Variants in CRTC1 observed in about 807,000 individuals in gnomAD.
CRTC1 encodes CREB regulated transcription coactivator 1.
In CRTC1, 18 loss-of-function variants were observed where a neutral mutation model predicts 66.1. The ratio of observed to expected loss-of-function variants is 0.27; its 90% CI spans 0.19 to 0.40. The LOEUF (loss-of-function observed/expected upper bound fraction) is 0.40. Among genes scored for constraint, CRTC1 ranks in the 10% least tolerant of loss-of-function variants. The pLI is 1.00. For missense variants in CRTC1, 669 were observed against 887.9 expected, an observed-to-expected ratio of 0.75 and a Z score of 3.13; for synonymous variants, 416 against 398.8, an observed-to-expected ratio of 1.04 and a Z score of -0.51.
intron 11 of CRTC1, among the ~76,000 whole-genome samples, chr19:18,773,552 C>A (rs1202112873): frequency 3.3e-5 from 5 of 152,176 alleles, no homozygotes; most frequent in African/African-American, 1.2e-4. Context: ...CCAGGACAGA[C>A]CCAGCTTCAG....
chr19:18,739,371 G>A (rs369725909), intron 1 of CRTC1, among the ~76,000 whole-genome samples: 76 of 152,330 alleles, frequency 5.0e-4, no homozygotes, highest in Middle Eastern at 6.8e-3. Context: ...TGGGCCAGCT[G>A]AGGAAGGGGG....
intron 1 of CRTC1, among the ~76,000 whole-genome samples, chr19:18,715,896 C>T (rs1021940908): frequency 6.6e-6 from 1 of 152,236 alleles, no homozygotes; most frequent in African/African-American, 2.4e-5. Flanking sequence ...CACGCTCCTT[C>T]CTGCCACTGC....
chr19:18,749,986 C>G, intron 5 of CRTC1, 111 bp downstream of exon 5: 2 of 826,462 alleles, frequency 2.4e-6, no homozygotes, highest in Non-Finnish European at 4.1e-6. Flanking sequence ...CAAAGGAAGA[C>G]TCAGACCATG....
chr19:18,748,374 A>ATTT lies in CRTC1; in HGVS notation c.443+1283_443+1285dup, dbSNP rs777077338. ...ATCGTCCCACCTCTGCTTCCAGCTG[A>ATTT]TTTTTTTTTTTTTTTTTTTTTTTTT... On this transcript the variant is annotated intron_variant, in intron 4 of 13. Transcript: ENST00000321949. Among the ~76,000 whole-genome samples, 85 of 75,372 alleles carry ATTT rather than the reference A, an allele frequency of 1.1e-3. 1 individual carries two copies. The highest frequency in any genetic ancestry group is 2.7e-3 in the African/African-American group (52 of 19,050). 49.4% of individuals were successfully genotyped at this position (75,372 alleles called of 152,430 possible).
At chr19:18,752,930 G>A (rs1378037052) in intron 5 of CRTC1, among the ~76,000 whole-genome samples, 6 of 149,710 alleles carry the variant, frequency 4.0e-5, no homozygotes, top group African/African-American at 7.3e-5. Flanking sequence ...GAGCCACCAC[G>A]CCCAGCCTAT....
intron 1 of CRTC1, among the ~76,000 whole-genome samples, chr19:18,738,348 A>G (rs935453978): frequency 6.6e-6 from 1 of 152,126 alleles, no homozygotes; most frequent in African/African-American, 2.4e-5. Flanking sequence ...AAATAGAAGT[A>G]AAAACTATAA....
At chr19:18,732,127 CACAG>C (rs1290580751) in intron 1 of CRTC1, among the ~76,000 whole-genome samples, 1 of 152,034 alleles carries the variant, frequency 6.6e-6, no homozygotes, top group Non-Finnish European at 1.5e-5. Flanking sequence ...TGCAGAAAGA[CACAG>C]GCAGGCGGCT....
At chr19:18,746,392 C>T (rs1185370863) in intron 3 of CRTC1, among the ~76,000 whole-genome samples, 1 of 152,136 alleles carries the variant, frequency 6.6e-6, no homozygotes, top group African/African-American at 2.4e-5. Context: ...GTGTGAGACC[C>T]GGACGCATCC....
At position 18,769,146 on chromosome 19, in the gene CRTC1, G is replaced by A. The variant is rs573625436; in HGVS notation, c.1320+353G>A. On this transcript the variant is annotated intron_variant, in intron 10 of 13. Transcript: ENST00000321949. ...AGTACGGCGTTCTCAGGGCCAGGGCGCAGGCCGGGGGCCGGGGATGACGTG... is the reference window on the plus strand; with the variant it reads ...AGTACGGCGTTCTCAGGGCCAGGGCACAGGCCGGGGGCCGGGGATGACGTG... Among the ~76,000 whole-genome samples the A allele has an allele frequency of 1.2e-4, 18 of 152,336 alleles. No individual in the cohort carries two copies. In the East Asian group the frequency reaches 3.5e-3, roughly 29 times the overall value.
rs547145650 is a variant in CRTC1 at position 18,699,710 on chromosome 19, C to T, written c.126+15882C>T. ...GCGGCTCTGAGCCAAAGCGAAGAGCCTGGCCTCGCCTGGCTCTGGGGGTGA... is the reference window on the plus strand; with the variant it reads ...GCGGCTCTGAGCCAAAGCGAAGAGCTTGGCCTCGCCTGGCTCTGGGGGTGA... On this transcript the variant is annotated intron_variant, in intron 1 of 13. Transcript: ENST00000321949. 4.2e-4 allele frequency among the ~76,000 whole-genome samples: 64 copies of T among 152,298 alleles called. 1 individual carries two copies. The highest frequency in any genetic ancestry group is 3.8e-3 in the Admixed American group (58 of 15,296).
chr19:18,756,723 TACTC>T (rs2054497516), intron 6 of CRTC1, among the ~76,000 whole-genome samples: 1 of 152,106 alleles, frequency 6.6e-6, no homozygotes. Flanking sequence ...GTTCTGCCGT[TACTC>T]AAGAAAAGGA....
intron 5 of CRTC1, among the ~76,000 whole-genome samples, chr19:18,751,288 C>T (rs2054357907): frequency 6.6e-6 from 1 of 151,894 alleles, no homozygotes; most frequent in Non-Finnish European, 1.5e-5. Flanking sequence ...CTTTGGGAGG[C>T]CGAGGTGGGT....
chr19:18,773,941 G>C (rs79733585), intron 11 of CRTC1, among the ~76,000 whole-genome samples: 9,564 of 152,244 alleles, frequency 0.063, 1,000 homozygotes, highest in African/African-American at 0.22. Context: ...ACAAAGCTCA[G>C]ATGGGGAGCT....
chr19:18,747,527 C>T (rs191878942), intron 4 of CRTC1, among the ~76,000 whole-genome samples: 20 of 152,250 alleles, frequency 1.3e-4, no homozygotes, highest in Admixed American at 1.3e-3. Flanking sequence ...TCCCCAGCTA[C>T]TCAGGAGGCT....
intron 6 of CRTC1, among the ~76,000 whole-genome samples, chr19:18,755,730 GTAGC>G (rs1398669854): frequency 6.6e-6 from 1 of 151,030 alleles, no homozygotes; most frequent in African/African-American, 2.4e-5. Context: ...AGCCTCCCGA[GTAGC>G]TGGGATTACA....
At chr19:18,731,119 G>C (rs116580376) in intron 1 of CRTC1, among the ~76,000 whole-genome samples, 1 of 152,176 alleles carries the variant, frequency 6.6e-6, no homozygotes, top group Non-Finnish European at 1.5e-5. Context: ...TGGGACTACA[G>C]GTGTGTGCCA....
At chr19:18,730,252 C>G (rs1440533973) in intron 1 of CRTC1, among the ~76,000 whole-genome samples, 3 of 151,672 alleles carry the variant, frequency 2.0e-5, no homozygotes, top group African/African-American at 7.3e-5. Context: ...TCCCACGAAG[C>G]ACATCACCAG....
Position 18,765,419 on chromosome 19 carries a change from GCTC to G in CRTC1, c.906_908del (p.Ser303del), listed in dbSNP as rs1370189952. 8 of 1,612,616 alleles carry G rather than the reference GCTC, an allele frequency of 5.0e-6. No homozygotes were observed. The highest frequency in any genetic ancestry group is 6.8e-6 in the Non-Finnish European group (8 of 1,179,492). The stretch of plus-strand genomic sequence containing the variant: ...TCCTCTCTAGGAATGAGCACACCTG[GCTC>G]CTCTCCACAGCACCGCCCAGCTGGC... On this transcript the variant is annotated inframe_deletion, in exon 9 of 14. Transcript: ENST00000321949.
chr19:18,778,985 C>T lies in CRTC1; in HGVS notation c.*1603C>T. The stretch of plus-strand genomic sequence containing the variant: ...CAGGTTTCAGGAGCACCTCTAAGAC[C>T]AGGGTGACAGGGTACTTGGGAGCTG... On this transcript the variant is annotated 3_prime_UTR_variant, in exon 14 of 14. Coordinates refer to ENST00000321949, the MANE Select transcript of CRTC1 (RefSeq NM_015321.3). The T allele has an allele frequency of 4.3e-6, 1 of 231,848 alleles. No individual in the cohort carries two copies. Among genetic ancestry groups the T allele is most frequent in the Non-Finnish European group, 8.5e-6 (1 of 117,144 alleles). 14.4% of individuals were successfully genotyped at this position (231,848 alleles called of 1,614,324 possible).
Sources: allele counts gnomAD v4.1 joint callset (sites outside exome capture counted in the v4.1 genomes callset), GRCh38; gene constraint gnomAD v4.1.1; transcripts MANE v1.5; gene names NCBI Gene and HGNC (gene_info 2026-07-23, HGNC 2026-07-21).